The following LAMA2 variants were observed in gnomAD, a reference collection of about 807,000 sequenced individuals.
LAMA2 encodes laminin subunit alpha 2, also known as laminin subunit alpha-2.
LAMA2 carries 269 observed loss-of-function variants against 364.8 expected under a neutral mutation model. That is an observed-to-expected ratio of 0.74 (90% CI 0.67 to 0.82). LAMA2 has a LOEUF of 0.82. Ranked by LOEUF, LAMA2 falls within the 40% of genes least tolerant of loss-of-function variation. LAMA2 has a pLI of 0.00. For synonymous variants in LAMA2, 1,379 were observed against 1,370.6 expected, an observed-to-expected ratio of 1.01 and a Z score of -0.14; for missense variants, 3,807 against 3,873.2, an observed-to-expected ratio of 0.98 and a Z score of 0.45.
At chr6:129,454,379 T>A (rs1782849885) in intron 47 of LAMA2, 91 bp downstream of exon 47, 1 of 1,038,610 alleles carries the variant, frequency 9.6e-7, no homozygotes, top group Non-Finnish European at 1.5e-6. Context: ...TCCATTTCAA[T>A]AAGGTAACTG....
chr6:129,454,560 G>A (rs943123609), intron 47 of LAMA2, among the ~76,000 whole-genome samples: 1 of 152,044 alleles, frequency 6.6e-6, no homozygotes, highest in African/African-American at 2.4e-5. Flanking sequence ...GCTGTTTCAG[G>A]CTTCCTATTT....
chr6:129,132,168 C>G (rs1371283037), intron 4 of LAMA2, among the ~76,000 whole-genome samples: 3 of 140,132 alleles, frequency 2.1e-5, no homozygotes, highest in Non-Finnish European at 4.7e-5. Context: ...TGACCTTACT[C>G]TTTTTTTTTT....
At chr6:129,048,565 C>CTT (rs1787760016) in intron 1 of LAMA2, among the ~76,000 whole-genome samples, 1 of 128,458 alleles carries the variant, frequency 7.8e-6, no homozygotes, top group Non-Finnish European at 1.6e-5. Context: ...CTCTCTCTCT[C>CTT]TCTTTCTTTC....
intron 40 of LAMA2, among the ~76,000 whole-genome samples, chr6:129,406,511 C>G (rs1451594278): frequency 1.3e-5 from 2 of 152,012 alleles, no homozygotes. Flanking sequence ...TAGTACTTCT[C>G]TAGAGGGTGC....
chr6:129,059,212 A>G (rs533536717), intron 2 of LAMA2, among the ~76,000 whole-genome samples: 69 of 152,312 alleles, frequency 4.5e-4, no homozygotes, highest in African/African-American at 1.6e-3. Flanking sequence ...CCAGCATGCT[A>G]TATTTTCGGG....
At position 129,149,018 on chromosome 6, in the gene LAMA2, A is replaced by T; in HGVS notation, c.949A>T (p.Ser317Cys). ...CECEHNTCGD[S>C]CDQCCPGFHQ... is the part of the protein sequence containing the mutation. ...GTGTGAGCATAACACATGTGGCGATAGCTGTGATCAGTGCTGTCCAGGATT... is the reference window on the plus strand; with the variant it reads ...GTGTGAGCATAACACATGTGGCGATTGCTGTGATCAGTGCTGTCCAGGATT... Residue 317 changes from serine (S) to cysteine (C), a missense_variant, in exon 7 of 65, where the codon AGC (serine) becomes TGC (cysteine). By Grantham distance (112) the Ser-to-Cys change is moderately radical (BLOSUM62 -1). Around this residue, in one of 3 missense-constraint regions of LAMA2, gnomAD observed 394 missense variants for 403.5 expected, o/e 0.98. Coordinates refer to ENST00000421865, the MANE Select transcript of LAMA2 (RefSeq NM_000426.4). The T allele has an allele frequency of 6.2e-7, 1 of 1,613,650 alleles. No individual in the cohort carries two copies. Among genetic ancestry groups the T allele is most frequent in the South Asian group, 1.1e-5 (1 of 91,070 alleles).
chr6:129,510,770 C>T (rs911036137), intron 62 of LAMA2, among the ~76,000 whole-genome samples: 4 of 151,968 alleles, frequency 2.6e-5, no homozygotes, highest in African/African-American at 9.7e-5. Context: ...TTTAACACTC[C>T]CATACAAAGT....
intron 40 of LAMA2, among the ~76,000 whole-genome samples, chr6:129,422,903 C>A (rs1225154774): frequency 6.6e-6 from 1 of 152,002 alleles, no homozygotes; most frequent in Non-Finnish European, 1.5e-5. Context: ...TATTATATAA[C>A]AATATCCCTC....
Position 129,516,225 on chromosome 6 carries a change from C to T in LAMA2, c.9247C>T (p.Pro3083Ser). 3.7e-6 allele frequency: 6 copies of T among 1,614,120 alleles called. No homozygotes were observed. The highest frequency in any genetic ancestry group is 5.1e-6 in the Non-Finnish European group (6 of 1,180,012). ...GCAGTTTGGCCTAACAACCAGTATT[C>T]CGTTCCGAGGTTGCATCAGATCCCT... ...LKQFGLTTSI[P>S]FRGCIRSLKL... The change falls in exon 65 of 65, where the codon CCG becomes TCG. Residue 3083 changes from proline to serine, a missense_variant. By Grantham distance (74) the Pro-to-Ser change is moderately conservative. Coordinates refer to ENST00000421865, the MANE Select transcript of LAMA2 (RefSeq NM_000426.4).
intron 34 of LAMA2, among the ~76,000 whole-genome samples, chr6:129,378,670 G>A (rs566399740): frequency 4.6e-4 from 70 of 152,160 alleles, no homozygotes; most frequent in Admixed American, 6.5e-4. Flanking sequence ...TACTCTTTCT[G>A]GATGTTAGCC....
chr6:129,154,712 GTTAT>G (rs754442262), intron 8 of LAMA2, 29 bp downstream of exon 8: 1 of 1,593,722 alleles, frequency 6.3e-7, no homozygotes, highest in African/African-American at 1.3e-5. Flanking sequence ...TTCATAAAGA[GTTAT>G]TTTTTTGCTT....
At chr6:129,514,739 A>T in intron 64 of LAMA2, 144 bp downstream of exon 64, 1 of 741,824 alleles carries the variant, frequency 1.3e-6, no homozygotes, top group Non-Finnish European at 2.3e-6. Context: ...TCTGCACCTT[A>T]CCTAAAATTT....
chr6:129,396,722 A>G lies in LAMA2; in HGVS notation c.5445+3467A>G, dbSNP rs1583653049. ...CCAAATCTACCATTATATCCTTGCCAAAGAAGGCAGTGCGGATCAAGTAAA... is the reference window on the plus strand; with the variant it reads ...CCAAATCTACCATTATATCCTTGCCGAAGAAGGCAGTGCGGATCAAGTAAA... On this transcript the variant is annotated intron_variant, in intron 37 of 64. Coordinates refer to ENST00000421865, the MANE Select transcript of LAMA2 (RefSeq NM_000426.4). Among the ~76,000 whole-genome samples, 6 of 152,332 alleles carry G rather than the reference A, an allele frequency of 3.9e-5. 2 individuals carry two copies. Among genetic ancestry groups the G allele is most frequent in the Admixed American group, 3.9e-4 (6 of 15,298 alleles).
intron 12 of LAMA2, among the ~76,000 whole-genome samples, chr6:129,222,115 A>G (rs977113978): frequency 1.3e-5 from 2 of 152,328 alleles, no homozygotes; most frequent in East Asian, 1.9e-4. Flanking sequence ...AGTTGCAAAC[A>G]TTGCTCATGT....
At chr6:129,370,162 G>T (rs1035325860) in intron 34 of LAMA2, among the ~76,000 whole-genome samples, 172 bp downstream of exon 34, 1 of 152,192 alleles carries the variant, frequency 6.6e-6, no homozygotes, top group Non-Finnish European at 1.5e-5. Context: ...ATAGAAATCA[G>T]TAGCACGCAG....
intron 1 of LAMA2, among the ~76,000 whole-genome samples, chr6:128,962,183 T>TATATATATATAC (rs1781573685): frequency 1.8e-5 from 2 of 113,922 alleles, no homozygotes; most frequent in African/African-American, 3.9e-5. Flanking sequence ...TATATATATA[T>TATATATATATAC]ATACACACAT....
intron 3 of LAMA2, among the ~76,000 whole-genome samples, chr6:129,078,611 T>G (rs1344712741): frequency 6.6e-6 from 1 of 152,214 alleles, no homozygotes. Flanking sequence ...TCACTTATGG[T>G]TAGCCTCTTA....
At chr6:129,514,807 G>T (rs540214412) in intron 64 of LAMA2, among the ~76,000 whole-genome samples, 13 of 152,292 alleles carry the variant, frequency 8.5e-5, no homozygotes, top group African/African-American at 3.1e-4. Context: ...AACTTTTCAT[G>T]AGAGCCCCCA....
chr6:128,933,601 A>T (rs1387567017), intron 1 of LAMA2, among the ~76,000 whole-genome samples: 1 of 152,000 alleles, frequency 6.6e-6, no homozygotes, highest in Non-Finnish European at 1.5e-5. Flanking sequence ...TTTGTCTTTT[A>T]TATAATAGCC....
Sources: gnomAD v4.1 joint callset for allele counts (sites outside exome capture counted in the v4.1 genomes callset) on GRCh38, gnomAD v4.1.1 for gene constraint, gnomAD v4.1.1 regional missense constraint, MANE v1.5 for transcripts, NCBI Gene and HGNC (gene_info 2026-07-23, HGNC 2026-07-21) for gene names.